The following LIN52 variants were observed in gnomAD, a reference collection of about 807,000 sequenced individuals.
LIN52 encodes protein lin-52 homolog.
LIN52 carries 4 observed loss-of-function variants against 18.5 expected under a neutral mutation model. That is an observed-to-expected ratio of 0.22 (90% confidence interval 0.11 to 0.49). The LOEUF (loss-of-function observed/expected upper bound fraction) is 0.49, where lower values mean the gene tolerates loss of function less well. Among genes scored for constraint, LIN52 ranks in the 20% least tolerant of loss-of-function variants. The pLI is 0.97. For missense variants in LIN52, 102 were observed against 139.5 expected (o/e 0.73, Z 1.35); for synonymous variants, 34 against 45.5 (o/e 0.75, Z 1.02).
At chr14:74,127,778 T>C (rs1268694034) in intron 5 of LIN52, among the ~76,000 whole-genome samples, 2 of 152,150 alleles carry the variant, frequency 1.3e-5, no homozygotes. Context: ...GGTCTTGCTA[T>C]GTTGCCCAGG....
At position 74,195,543 on chromosome 14, in the gene LIN52, GGTGTGTGTGTGTATGTGTGTGT is replaced by G. The variant is rs1466343480; in HGVS notation, c.284-3367_284-3346del. Among the ~76,000 whole-genome samples the G allele has an allele frequency of 5.9e-5, 6 of 102,002 alleles. No individual in the cohort carries two copies. The East Asian group carries it at 1.6e-3, about 27-fold the overall frequency. The allele number at this position is 102,002 out of a possible 152,430, so 66.9% of individuals were successfully genotyped here. A position where few individuals can be genotyped will look rare whatever the true frequency, so the allele number is the denominator to read the frequency against. On this transcript the variant is annotated intron_variant, in intron 5 of 5. Coordinates refer to ENST00000555028, the MANE Select transcript of LIN52 (RefSeq NM_001024674.3). ...GACCCTACTAGAAGAGGTGTGTGTG[GGTGTGTGTGTGTATGTGTGTGT>G]GTGTGTGTGTGCGCGTGTAGACGAG...
chr14:74,097,242 T>A (rs547988190), intron 3 of LIN52, among the ~76,000 whole-genome samples: 1 of 152,174 alleles, frequency 6.6e-6, no homozygotes, highest in Non-Finnish European at 1.5e-5. Context: ...TCAGTAATAG[T>A]GGTCATACCT....
chr14:74,093,519 C>G (rs995056644), intron 2 of LIN52, among the ~76,000 whole-genome samples: 8 of 151,656 alleles, frequency 5.3e-5, no homozygotes, highest in African/African-American at 1.9e-4. Context: ...AGAGAAGAGG[C>G]TTCACCATGT....
At chr14:74,142,828 G>A (rs1437234293) in intron 5 of LIN52, among the ~76,000 whole-genome samples, 3 of 143,832 alleles carry the variant, frequency 2.1e-5, no homozygotes, top group South Asian at 2.4e-4. Context: ...ACATCCTTAC[G>A]TCCCATTCAT....
At chr14:74,117,334 G>A (rs969007078) in intron 5 of LIN52, among the ~76,000 whole-genome samples, 2 of 152,114 alleles carry the variant, frequency 1.3e-5, no homozygotes, top group Non-Finnish European at 2.9e-5. Context: ...TTATGTTTTC[G>A]GGCTGTCTTC....
chr14:74,193,465 G>T (rs2078892916), intron 5 of LIN52, among the ~76,000 whole-genome samples: 1 of 151,816 alleles, frequency 6.6e-6, no homozygotes, highest in South Asian at 2.1e-4. Flanking sequence ...GAGAATTTTG[G>T]TGTTTTTCAC....
At chr14:74,140,827 C>T (rs2061126374) in intron 5 of LIN52, among the ~76,000 whole-genome samples, 1 of 152,214 alleles carries the variant, frequency 6.6e-6, no homozygotes, top group Non-Finnish European at 1.5e-5. Context: ...TGTGATGGCT[C>T]TCCTGAGATC....
intron 5 of LIN52, among the ~76,000 whole-genome samples, chr14:74,129,978 G>A (rs1302513798): frequency 2.6e-5 from 4 of 152,262 alleles, no homozygotes; most frequent in African/African-American, 7.2e-5. Context: ...AAAACATCAC[G>A]TCTTACATGG....
chr14:74,160,692 T>A (rs1488804061), intron 5 of LIN52, among the ~76,000 whole-genome samples: 5 of 152,226 alleles, frequency 3.3e-5, no homozygotes, highest in African/African-American at 1.2e-4. Context: ...TACTCTTTAC[T>A]TTCTCAAGCA....
intron 5 of LIN52, among the ~76,000 whole-genome samples, chr14:74,171,264 G>A (rs1323572990): frequency 6.6e-6 from 1 of 151,756 alleles, no homozygotes; most frequent in African/African-American, 2.4e-5. Flanking sequence ...CCAGCTACTT[G>A]GGAGACTGAG....
In LIN52 at chr14:74,176,815, C is replaced by T. The variant is rs189545030; in HGVS notation, c.284-22107C>T. On this transcript the variant is annotated intron_variant, in intron 5 of 5. Coordinates refer to ENST00000555028, the MANE Select transcript of LIN52 (RefSeq NM_001024674.3). Reference sequence around the variant, plus strand: ...TATTTCTATCACCCCAAAAGAAACTCCATATCCATTTGAGTCATTCCTTAT... The same window carrying T: ...TATTTCTATCACCCCAAAAGAAACTTCATATCCATTTGAGTCATTCCTTAT... 2.9e-3 allele frequency among the ~76,000 whole-genome samples: 436 copies of T among 152,316 alleles called. 1 individual carries two copies. Among genetic ancestry groups the T allele is most frequent in the Non-Finnish European group, 5.0e-3 (339 of 68,038 alleles).
intron 5 of LIN52, among the ~76,000 whole-genome samples, chr14:74,137,155 AAT>A (rs200281716): frequency 0.1 from 11,446 of 113,462 alleles, 533 homozygotes; most frequent in South Asian, 0.32. Flanking sequence ...TTTATATATG[AAT>A]ATATATATAT....
intron 1 of LIN52, among the ~76,000 whole-genome samples, chr14:74,086,499 C>G (rs1018740022): frequency 6.6e-6 from 1 of 151,782 alleles, no homozygotes; most frequent in African/African-American, 2.4e-5. Context: ...CAAAAAAATA[C>G]AAAAATTATC....
chr14:74,152,959 C>CAAAAAAA (rs1189515836), intron 5 of LIN52, among the ~76,000 whole-genome samples: 1 of 41,550 alleles, frequency 2.4e-5, no homozygotes, highest in Non-Finnish European at 5.4e-5. Flanking sequence ...GACTCTGTCT[C>CAAAAAAA]AAAAAAAAAA....
In LIN52 at chr14:74,085,082, T is replaced by C. The variant is rs545540252; in HGVS notation, c.19+89T>C. 57 of 1,174,856 alleles carry C rather than the reference T, an allele frequency of 4.9e-5. No homozygotes were observed. In the South Asian group the frequency reaches 1.5e-3, roughly 32 times the overall value. 72.8% of individuals were successfully genotyped at this position (1,174,856 alleles called of 1,614,324 possible). On this transcript the variant is annotated intron_variant, in intron 1 of 5. Coordinates refer to ENST00000555028, the MANE Select transcript of LIN52 (RefSeq NM_001024674.3). ...TCTGTCTCTGCCCCTCGAACATACA[T>C]TTCTTTCTTGGGCTCTTCTCCTTTC...
At chr14:74,107,319 C>G (rs774962785) in intron 5 of LIN52, among the ~76,000 whole-genome samples, 1 of 152,170 alleles carries the variant, frequency 6.6e-6, no homozygotes, top group Non-Finnish European at 1.5e-5. Flanking sequence ...AGTTTCAATA[C>G]TACATTGCTT....
intron 5 of LIN52, among the ~76,000 whole-genome samples, chr14:74,184,957 T>G (rs1235098853): frequency 1.3e-5 from 2 of 151,986 alleles, no homozygotes; most frequent in Non-Finnish European, 2.9e-5. Context: ...TTTAAAAATT[T>G]TTTCTTATTT....
At position 74,098,316 on chromosome 14, in the gene LIN52, T is replaced by A. The variant is rs771847090; in HGVS notation, c.199+456T>A. 5.3e-5 allele frequency among the ~76,000 whole-genome samples: 8 copies of A among 151,932 alleles called. 1 individual carries two copies. Among genetic ancestry groups the A allele is most frequent in the Non-Finnish European group, 1.2e-4 (8 of 67,976 alleles). On this transcript the variant is annotated intron_variant, in intron 4 of 5. Coordinates refer to ENST00000555028, the MANE Select transcript of LIN52 (RefSeq NM_001024674.3). ...GGTGGATCACTGGAGGTCAGGAGTT[T>A]GAGACCAGACTGACCAATATAACGA...
chr14:74,134,116 T>G (rs981370485), intron 5 of LIN52, among the ~76,000 whole-genome samples: 2 of 152,252 alleles, frequency 1.3e-5, no homozygotes, highest in African/African-American at 2.4e-5. Context: ...CTTCTGGCTG[T>G]CTGAGGTTTC....
Sources: allele counts gnomAD v4.1 joint callset (sites outside exome capture counted in the v4.1 genomes callset), GRCh38; gene constraint gnomAD v4.1.1; transcripts MANE v1.5; gene names NCBI Gene and HGNC (gene_info 2026-07-23, HGNC 2026-07-21).